Variants in MAST2 observed in about 807,000 individuals in gnomAD.
MAST2 encodes microtubule associated serine/threonine kinase 2.
Under a neutral mutation model 147.4 loss-of-function variants are expected in MAST2, and 70 were observed. The ratio of observed to expected loss-of-function variants is 0.47; its 90% CI spans 0.39 to 0.58. The LOEUF is 0.58. MAST2 is among the 20% of genes least tolerant of loss of function. MAST2 has a pLI of 0.00. For synonymous variants in MAST2, 869 were observed against 896.8 expected (o/e 0.97, Z 0.55); for missense variants, 2,080 against 2,302.3 (o/e 0.90, Z 1.98).
chr1:45,832,304 T>C (rs1213957242), intron 3 of MAST2, among the ~76,000 whole-genome samples: 2 of 151,262 alleles, frequency 1.3e-5, no homozygotes, highest in Non-Finnish European at 3.0e-5. Flanking sequence ...TTTCTTTCTT[T>C]CTTTTTTTTT....
chr1:45,953,581 A>G (rs1369992592), intron 4 of MAST2, among the ~76,000 whole-genome samples: 2 of 142,680 alleles, frequency 1.4e-5, no homozygotes, highest in African/African-American at 2.7e-5. Context: ...GGAAGGTGAC[A>G]TTAGAATAAA....
intron 4 of MAST2, among the ~76,000 whole-genome samples, chr1:45,919,416 G>A (rs1473957092): frequency 6.6e-6 from 1 of 152,114 alleles, no homozygotes; most frequent in African/African-American, 2.4e-5. Context: ...AAAAAGGAAA[G>A]CGTGATTGAT....
chr1:45,808,057 A>G (rs1644192206), intron 1 of MAST2, among the ~76,000 whole-genome samples: 1 of 152,094 alleles, frequency 6.6e-6, no homozygotes, highest in South Asian at 2.1e-4. Context: ...TGCTTGTTAC[A>G]GTTTTTATTA....
At chr1:45,892,260 T>G (rs574379469) in intron 4 of MAST2, among the ~76,000 whole-genome samples, 1 of 152,296 alleles carries the variant, frequency 6.6e-6, no homozygotes, top group African/African-American at 2.4e-5. Context: ...AAGACGTTCT[T>G]AGTTCTGGGT....
At chr1:45,883,614 A>G (rs1329486268) in intron 4 of MAST2, among the ~76,000 whole-genome samples, 1 of 152,192 alleles carries the variant, frequency 6.6e-6, no homozygotes, top group Non-Finnish European at 1.5e-5. Context: ...TAATATATGT[A>G]TAGTGCTTTA....
intron 3 of MAST2, among the ~76,000 whole-genome samples, chr1:45,866,349 GTTATT>G (rs1224401027): frequency 1.3e-5 from 2 of 152,092 alleles, no homozygotes; most frequent in Admixed American, 1.3e-4. Flanking sequence ...ATTTCTTGGG[GTTATT>G]TTGAGTAGTA....
intron 5 of MAST2, among the ~76,000 whole-genome samples, chr1:45,968,314 CT>C (rs1643707606): frequency 6.6e-6 from 1 of 152,144 alleles, no homozygotes; most frequent in Non-Finnish European, 1.5e-5. Flanking sequence ...ACTTTCTCCC[CT>C]ATATAATTTT....
intron 4 of MAST2, among the ~76,000 whole-genome samples, chr1:45,947,343 CATA>C: frequency 6.8e-6 from 1 of 148,120 alleles, no homozygotes; most frequent in Admixed American, 6.7e-5. Context: ...CCAAACACCT[CATA>C]ATGTTTTAAG....
At chr1:46,020,332 A>T (rs913155775) in intron 11 of MAST2, among the ~76,000 whole-genome samples, 2 of 152,232 alleles carry the variant, frequency 1.3e-5, no homozygotes, top group Admixed American at 6.5e-5. Flanking sequence ...GATCGGGAGC[A>T]TGGGAAGGAG....
At chr1:45,968,871 G>T (rs1444938311) in intron 5 of MAST2, among the ~76,000 whole-genome samples, 1 of 125,228 alleles carries the variant, frequency 8.0e-6, no homozygotes. Context: ...GGATGTTCTG[G>T]TGTTGGTTTT....
chr1:46,030,195 T>C lies in MAST2; in HGVS notation c.2510T>C (p.Leu837Pro). The C allele has an allele frequency of 2.5e-6, 4 of 1,614,224 alleles. No individual in the cohort carries two copies. The highest frequency in any genetic ancestry group is 3.4e-6 in the Non-Finnish European group (4 of 1,180,042). Residue 837 changes from leucine to proline, a missense_variant, in exon 21 of 29, where the codon CTT (leucine) becomes CCT (proline). Transcript: ENST00000361297. ...GAAGAAGTGAGTGAGGATGGCTGCCTTGAGATCCGCCAGTTCTCTTCCTGC... is the reference window on the plus strand; with the variant it reads ...GAAGAAGTGAGTGAGGATGGCTGCCCTGAGATCCGCCAGTTCTCTTCCTGC... ...DEEEVSEDGC[L>P]EIRQFSSCSP... is the part of the protein sequence containing the mutation.
Position 46,008,386 on chromosome 1 carries a change from A to G in MAST2, c.978+15A>G. The G allele has an allele frequency of 1.3e-6, 2 of 1,593,884 alleles. No homozygotes were observed. Among genetic ancestry groups the G allele is most frequent in the Non-Finnish European group, 1.7e-6 (2 of 1,161,618 alleles). On this transcript the variant is annotated intron_variant, in intron 9 of 28. Coordinates refer to ENST00000361297, the MANE Select transcript of MAST2 (RefSeq NM_015112.3). ...GATTCCCAAAGGTAAGGATCCATTT[A>G]AAAGGAGAGTGGCAATACCCCTCCG...
intron 4 of MAST2, among the ~76,000 whole-genome samples, chr1:45,898,904 A>G (rs1375734053): frequency 6.6e-6 from 1 of 152,080 alleles, no homozygotes; most frequent in African/African-American, 2.4e-5. Flanking sequence ...ACCTTAATGC[A>G]TCCCTCAAAT....
At chr1:45,871,402 G>T (rs1646388352) in intron 3 of MAST2, among the ~76,000 whole-genome samples, 1 of 151,944 alleles carries the variant, frequency 6.6e-6, no homozygotes, top group Non-Finnish European at 1.5e-5. Flanking sequence ...ACTGAAACAG[G>T]CCAGTTTAAA....
chr1:46,035,676 C>T lies in MAST2; in HGVS notation c.5007C>T (p.Ser1669=). ...KSLIEGPDRA[S]PSRKATMAGG... The stretch of plus-strand genomic sequence containing the variant: ...TTATTGAGGGCCCAGACAGGGCATC[C>T]CCAAGCAGAAAGGCAACCATGGCAG... Residue 1669 remains serine (S), a synonymous_variant, in exon 29 of 29, where the codon TCC becomes TCT. Transcript: ENST00000361297. This position sits in a 1 kb window ranked among gnomAD's most constrained non-coding sequence, Gnocchi z 5.5. 11 of 1,613,892 alleles carry T rather than the reference C, an allele frequency of 6.8e-6. No individual in the cohort carries two copies. Among genetic ancestry groups the T allele is most frequent in the Non-Finnish European group, 9.3e-6 (11 of 1,180,006 alleles).
At chr1:45,862,044 T>C (rs1645997956) in intron 3 of MAST2, among the ~76,000 whole-genome samples, 1 of 152,250 alleles carries the variant, frequency 6.6e-6, no homozygotes, top group Non-Finnish European at 1.5e-5. Flanking sequence ...TTCCTACAGT[T>C]TAATCAGTTA....
In MAST2 at chr1:46,023,513, T is replaced by C. The variant is rs1557495212; in HGVS notation, c.1571+195T>C. 1.6e-6 allele frequency: 1 copy of C among 627,946 alleles called. No individual in the cohort carries two copies. Among genetic ancestry groups the C allele is most frequent in the African/African-American group, 1.8e-5 (1 of 54,244 alleles). The allele number at this position is 627,946 out of a possible 1,614,324, so 38.9% of individuals were successfully genotyped here. On this transcript the variant is annotated intron_variant, in intron 14 of 28. Coordinates refer to ENST00000361297, the MANE Select transcript of MAST2 (RefSeq NM_015112.3). The surrounding 1 kb of genome is among the most constrained non-coding windows in gnomAD (Gnocchi z 4.9). ...TCATTGTTCCTTTCCCAGACAAGAT[T>C]CCCACGCCTCTTACTACCACGCATC... is the stretch of plus-strand genomic sequence containing the variant.
At chr1:45,807,052 T>G (rs1644162878) in intron 1 of MAST2, among the ~76,000 whole-genome samples, 3 of 152,236 alleles carry the variant, frequency 2.0e-5, no homozygotes, top group Admixed American at 2.0e-4. Flanking sequence ...AAGTTTTCAT[T>G]GTGAAATAGT....
chr1:46,030,967 G>A (rs1646636910), intron 22 of MAST2, 40 bp from the exon 23 acceptor site: 5 of 1,594,560 alleles, frequency 3.1e-6, no homozygotes, highest in Admixed American at 1.7e-5. Flanking sequence ...GGAGGAGGGG[G>A]ACCACCTGGG....
Sources: gnomAD v4.1 joint callset for allele counts (sites outside exome capture counted in the v4.1 genomes callset) on GRCh38, gnomAD v4.1.1 for gene constraint, Gnocchi (gnomAD v3.1) non-coding constraint, MANE v1.5 for transcripts, NCBI Gene and HGNC (gene_info 2026-07-23, HGNC 2026-07-21) for gene names.